Variants in ANKRD10 observed in about 807,000 individuals in gnomAD.
The protein encoded by ANKRD10 is ankyrin repeat domain 10, also known as ankyrin repeat domain-containing protein 10.
Under a neutral mutation model 27.0 loss-of-function variants are expected in ANKRD10, and 14 were observed. The observed-to-expected ratio is 0.52, with a 90% CI of 0.34 to 0.81. The LOEUF is 0.81. Among genes scored for constraint, ANKRD10 ranks in the 40% least tolerant of loss-of-function variants. The probability of loss-of-function intolerance (pLI) is 0.01; values close to 1 mark genes in which losing one functional copy is unlikely to be tolerated. For synonymous variants in ANKRD10, 250 were observed against 224.5 expected (o/e 1.11, Z -1.01); for missense variants, 493 against 544.0 (o/e 0.91, Z 0.93).
chr13:110,885,236 G>T (rs2064895661), intron 4 of ANKRD10, among the ~76,000 whole-genome samples: 1 of 151,954 alleles, frequency 6.6e-6, no homozygotes, highest in African/African-American at 2.4e-5. Flanking sequence ...TGTAAGCAGG[G>T]CATCTTTTGA....
At chr13:110,903,835 A>C (rs951190494) in intron 3 of ANKRD10, among the ~76,000 whole-genome samples, 1 of 152,104 alleles carries the variant, frequency 6.6e-6, no homozygotes, top group Admixed American at 6.5e-5. Flanking sequence ...AATGAAAAAA[A>C]CTAACTTTAA....
intron 4 of ANKRD10, among the ~76,000 whole-genome samples, chr13:110,892,516 C>T (rs1357673951): frequency 1.3e-5 from 2 of 148,532 alleles, no homozygotes; most frequent in South Asian, 2.1e-4. Flanking sequence ...CCAGATCTTG[C>T]TGTGATAAGT....
intron 3 of ANKRD10, among the ~76,000 whole-genome samples, chr13:110,901,233 T>C (rs2065372304): frequency 6.6e-6 from 1 of 152,222 alleles, no homozygotes; most frequent in Admixed American, 6.5e-5. Context: ...TCCAAACTCT[T>C]ATTTAATTAT....
intron 4 of ANKRD10, among the ~76,000 whole-genome samples, chr13:110,892,436 A>AAAAAAAAAAAAAAAAAAT (rs1555321016): frequency 4.8e-5 from 7 of 144,464 alleles, no homozygotes; most frequent in Non-Finnish European, 1.1e-4. Context: ...AAAAAAAAAA[A>AAAAAAAAAAAAAAAAAAT]TGGTGGGAGA....
chr13:110,898,697 T>C (rs2065294902), intron 3 of ANKRD10, among the ~76,000 whole-genome samples: 1 of 151,760 alleles, frequency 6.6e-6, no homozygotes, highest in Non-Finnish European at 1.5e-5. Flanking sequence ...TTCAGCCTCC[T>C]GAGTAGCTGG....
intron 3 of ANKRD10, chr13:110,904,168 T>C: frequency 6.6e-6 from 1 of 152,240 alleles, no homozygotes; most frequent in East Asian, 1.9e-4. Flanking sequence ...TATAATTGTT[T>C]TTGGCTAGGT....
intron 4 of ANKRD10, 121 bp from the exon 5 acceptor site, chr13:110,883,914 A>AAAAAAC: frequency 9.1e-7 from 1 of 1,096,640 alleles, no homozygotes; most frequent in Non-Finnish European, 1.2e-6. Flanking sequence ...ATAAAAAAAA[A>AAAAAAC]TCGACAGGTC....
chr13:110,905,928 T>C, intron 3 of ANKRD10, 105 bp downstream of exon 3: 1 of 1,092,988 alleles, frequency 9.1e-7, no homozygotes, highest in Non-Finnish European at 1.3e-6. Context: ...ACATTACTAA[T>C]TTTGAAAACA....
rs1258482764 is a variant in ANKRD10, at chr13:110,892,811, A to G, written c.691+217T>C. On this transcript the variant is annotated intron_variant, in intron 4 of 5. Coordinates refer to ENST00000267339, the MANE Select transcript of ANKRD10 (RefSeq NM_017664.4). ...CAAAAAGTTCCACATAGACATTTAC[A>G]CTTGGGCCATCAGTATTTCCCTCAC... The G allele has an allele frequency of 3.0e-6, 4 of 1,341,212 alleles. No individual in the cohort carries two copies. The East Asian group carries it at 8.3e-5, about 28-fold the overall frequency. 83.1% of individuals were successfully genotyped at this position (1,341,212 alleles called of 1,614,324 possible).
In ANKRD10 at chr13:110,883,747, T is replaced by C; in HGVS notation, c.738A>G (p.Glu246=). ...SAVPLTNGDT[E]DDADKMHVDR... ...CAACGTGCATTTTGTCAGCATCGTC[T>C]TCTGTGTCGCCATTCGTGAGTGGCA... is the stretch of plus-strand genomic sequence containing the variant. The change falls in exon 5 of 6, where the codon GAA becomes GAG. Residue 246 remains glutamate (E), a synonymous_variant. Transcript: ENST00000267339. 4 of 1,614,230 alleles carry C rather than the reference T, an allele frequency of 2.5e-6. No homozygotes were observed. Among genetic ancestry groups the C allele is most frequent in the Non-Finnish European group, 3.4e-6 (4 of 1,180,030 alleles).
At chr13:110,895,055 A>G (rs537980218) in intron 3 of ANKRD10, 1 of 152,360 alleles carries the variant, frequency 6.6e-6, no homozygotes, top group East Asian at 1.9e-4. Context: ...ACAGAAAAAT[A>G]AGTTGCCACA....
chr13:110,914,954 C>G lies in ANKRD10; in HGVS notation c.-20G>C. The stretch of plus-strand genomic sequence containing the variant: ...CGACATGGTCCGTCACCGGAGAGCG[C>G]GGGGCTCGCTGGCCTAGAGGACGCG... On this transcript the variant is annotated 5_prime_UTR_variant, in exon 1 of 6. Transcript: ENST00000267339. The G allele has an allele frequency of 6.6e-7, 1 of 1,526,144 alleles. No individual in the cohort carries two copies. Among genetic ancestry groups the G allele is most frequent in the Non-Finnish European group, 8.8e-7 (1 of 1,142,094 alleles). The allele number at this position is 1,526,144 out of a possible 1,614,324, so 94.5% of individuals were successfully genotyped here.
chr13:110,902,872 T>C (rs537475706), intron 3 of ANKRD10, among the ~76,000 whole-genome samples: 1 of 152,164 alleles, frequency 6.6e-6, no homozygotes, highest in Non-Finnish European at 1.5e-5. Context: ...CTGGTTGATA[T>C]GGAAACATCC....
At chr13:110,900,820 G>T in intron 3 of ANKRD10, 1 of 549,494 alleles carries the variant, frequency 1.8e-6, no homozygotes, top group Non-Finnish European at 3.0e-6. Context: ...GCAACATTTG[G>T]ATTAAAAATA....
Position 110,879,807 on chromosome 13 carries a change from C to T in ANKRD10, c.1093G>A (p.Val365Met). ...TACAGGTTATCCCCAATGTCTTCCACCCAGGAAGGCCTACTGGCTATGCAG... is the reference window on the plus strand; with the variant it reads ...TACAGGTTATCCCCAATGTCTTCCATCCAGGAAGGCCTACTGGCTATGCAG... ...SSCIASRPSW[V>M]EDIGDNLYYG... The change falls in exon 6 of 6, where the codon GTG (valine) becomes ATG (methionine). Residue 365 changes from valine (V) to methionine (M), a missense_variant. Physicochemically the swap from Val to Met is conservative, Grantham distance 21. Coordinates refer to ENST00000267339, the MANE Select transcript of ANKRD10 (RefSeq NM_017664.4). 6.2e-7 allele frequency: 1 copy of T among 1,614,250 alleles called. No homozygotes were observed. The highest frequency in any genetic ancestry group is 1.7e-5 in the Admixed American group (1 of 60,030).
intron 2 of ANKRD10, among the ~76,000 whole-genome samples, chr13:110,909,741 A>G (rs2065641387): frequency 6.6e-6 from 1 of 152,190 alleles, no homozygotes; most frequent in African/African-American, 2.4e-5. Context: ...TTTTTAGAAG[A>G]GGGACTAGCA....
chr13:110,897,294 CTTTTTT>C lies in ANKRD10; in HGVS notation c.456-4037_456-4032del, dbSNP rs35945478. ...AGGCATGTGCTACCATGCCTGGCTA[CTTTTTT>C]TTTTTTTTTTTTAATTTTGAGAGAT... On this transcript the variant is annotated intron_variant, in intron 3 of 5. Coordinates refer to ENST00000267339, the MANE Select transcript of ANKRD10 (RefSeq NM_017664.4). Among the ~76,000 whole-genome samples, 12 of 127,530 alleles carry C rather than the reference CTTTTTT, an allele frequency of 9.4e-5. 2 individuals are homozygous for C. Among genetic ancestry groups the C allele is most frequent in the African/African-American group, 2.1e-4 (7 of 33,346 alleles). The allele number at this position is 127,530 out of a possible 152,430, so 83.7% of individuals were successfully genotyped here.
At chr13:110,914,242 G>A (rs553008928) in intron 1 of ANKRD10, among the ~76,000 whole-genome samples, 2 of 152,218 alleles carry the variant, frequency 1.3e-5, no homozygotes, top group Admixed American at 6.5e-5. Flanking sequence ...AAGGTCGACC[G>A]CGCCCGGGCA....
chr13:110,914,769 A>C lies in ANKRD10; in HGVS notation c.166T>G (p.Phe56Val). Residue 56 changes from phenylalanine (F) to valine (V), a missense_variant, in exon 1 of 6, where the codon TTC (phenylalanine) becomes GTC (valine). By Grantham distance (50) the Phe-to-Val change is conservative (BLOSUM62 -1). Transcript: ENST00000267339. Reference sequence around the variant, plus strand: ...CAGTGCACGGGCGTCCAGCCATAGAAGGAGTCCTCAGAGGCCAGGTGGGCG... The same window carrying C: ...CAGTGCACGGGCGTCCAGCCATAGACGGAGTCCTCAGAGGCCAGGTGGGCG... ...PHAHLASEDS[F>V]YGWTPVHWAA... The C allele has an allele frequency of 1.3e-6, 2 of 1,599,144 alleles. No homozygotes were observed. Among genetic ancestry groups the C allele is most frequent in the Non-Finnish European group, 8.5e-7 (1 of 1,173,510 alleles).
Sources: allele counts gnomAD v4.1 joint callset (sites outside exome capture counted in the v4.1 genomes callset), GRCh38; gene constraint gnomAD v4.1.1; transcripts MANE v1.5; gene names NCBI Gene and HGNC (gene_info 2026-07-23, HGNC 2026-07-21).